The following PTPRM variants were observed in gnomAD, a reference collection of about 807,000 sequenced individuals.
PTPRM encodes the protein receptor-type tyrosine-protein phosphatase mu.
Under a neutral mutation model 186.7 loss-of-function variants are expected in PTPRM, and 47 were observed. That is an observed-to-expected ratio of 0.25 (90% CI 0.20 to 0.32). The LOEUF (loss-of-function observed/expected upper bound fraction) is 0.32. Among genes scored for constraint, PTPRM ranks in the 10% least tolerant of loss-of-function variants. The pLI is 1.00. For synonymous variants in PTPRM, 668 were observed against 674.9 expected, an observed-to-expected ratio of 0.99 and a Z score of 0.16; for missense variants, 1,494 against 1,865.0, an observed-to-expected ratio of 0.80 and a Z score of 3.66.
chr18:8,151,778 TGGTGG>T (rs1169020583), intron 14 of PTPRM, among the ~76,000 whole-genome samples: 2 of 151,044 alleles, frequency 1.3e-5, no homozygotes, highest in Admixed American at 1.3e-4. Context: ...CCCGGGGCCC[TGGTGG>T]GGTTAGGCGC....
intron 2 of PTPRM, among the ~76,000 whole-genome samples, chr18:7,828,895 G>T (rs1393662498): frequency 6.6e-6 from 1 of 152,092 alleles, no homozygotes; most frequent in Non-Finnish European, 1.5e-5. Flanking sequence ...TTACACAAAT[G>T]AATGATGGCA....
chr18:8,332,598 G>A (rs961840366), intron 22 of PTPRM, among the ~76,000 whole-genome samples: 6 of 152,174 alleles, frequency 3.9e-5, no homozygotes, highest in Non-Finnish European at 5.9e-5. Context: ...TGGAGAAAAG[G>A]CTAATCGTGG....
At chr18:8,138,593 A>C in intron 13 of PTPRM, among the ~76,000 whole-genome samples, 1 of 152,136 alleles carries the variant, frequency 6.6e-6, no homozygotes, top group African/African-American at 2.4e-5. Flanking sequence ...AGCCATCAAA[A>C]GAGACCTTTC....
intron 31 of PTPRM, among the ~76,000 whole-genome samples, chr18:8,391,779 A>C (rs1199710059): frequency 6.6e-6 from 1 of 152,242 alleles, no homozygotes; most frequent in Non-Finnish European, 1.5e-5. Context: ...TGGGCTGATC[A>C]AGCTGATATC....
intron 2 of PTPRM, among the ~76,000 whole-genome samples, chr18:7,838,432 G>C (rs2046163130): frequency 6.6e-6 from 1 of 152,226 alleles, no homozygotes; most frequent in South Asian, 2.1e-4. Context: ...TACCACTTTA[G>C]TGGTCTTGGA....
intron 2 of PTPRM, among the ~76,000 whole-genome samples, chr18:7,792,238 T>C (rs1260192058): frequency 6.6e-6 from 1 of 152,226 alleles, no homozygotes; most frequent in Non-Finnish European, 1.5e-5. Context: ...GATGACATCA[T>C]AATTTTTGTA....
chr18:8,033,602 A>C (rs1568221232), intron 7 of PTPRM, among the ~76,000 whole-genome samples: 1 of 152,212 alleles, frequency 6.6e-6, no homozygotes, highest in East Asian at 1.9e-4. Context: ...TGTGTAGAAA[A>C]GGTACAGTAA....
intron 1 of PTPRM, chr18:7,751,496 A>G (rs182813406): frequency 1.3e-5 from 2 of 152,212 alleles, no homozygotes; most frequent in East Asian, 3.9e-4. Context: ...TGGGGTCTTG[A>G]GTCTCTCATC....
intron 19 of PTPRM, among the ~76,000 whole-genome samples, chr18:8,290,343 T>C (rs897972778): frequency 6.6e-6 from 1 of 152,184 alleles, no homozygotes; most frequent in Non-Finnish European, 1.5e-5. Flanking sequence ...GCACATTATG[T>C]ACGGCCTTGA....
intron 5 of PTPRM, 30 bp downstream of exon 5, chr18:7,926,713 A>G (rs1347930779): frequency 1.3e-6 from 2 of 1,557,688 alleles, no homozygotes; most frequent in Admixed American, 1.8e-5. Context: ...TCAGTTGATG[A>G]GAGTCCAGCG....
intron 32 of PTPRM, among the ~76,000 whole-genome samples, chr18:8,396,459 C>G (rs2095845950): frequency 6.6e-6 from 1 of 152,192 alleles, no homozygotes; most frequent in South Asian, 2.1e-4. Context: ...ATGGCTCCAG[C>G]TGCAGCTTTC....
intron 7 of PTPRM, among the ~76,000 whole-genome samples, chr18:8,035,346 A>G (rs1270760556): frequency 1.3e-5 from 2 of 152,108 alleles, no homozygotes; most frequent in African/African-American, 4.8e-5. Flanking sequence ...AAAAAATATA[A>G]TCATCCCTCA....
chr18:7,977,576 T>G (rs1568115370), intron 7 of PTPRM, among the ~76,000 whole-genome samples: 1 of 152,144 alleles, frequency 6.6e-6, no homozygotes, highest in Non-Finnish European at 1.5e-5. Context: ...AGATAATGTC[T>G]CTCTTGAGAG....
chr18:8,020,692 T>C (rs1357158188), intron 7 of PTPRM, among the ~76,000 whole-genome samples: 8 of 152,194 alleles, frequency 5.3e-5, no homozygotes, highest in South Asian at 2.1e-4. Flanking sequence ...TTTATTGATA[T>C]TGTGCTGCAC....
intron 2 of PTPRM, among the ~76,000 whole-genome samples, chr18:7,868,161 G>A (rs57530103): frequency 0.019 from 2,932 of 152,124 alleles, 84 homozygotes; most frequent in African/African-American, 0.067. Context: ...TAGCTCGGAG[G>A]AGTTCGTTAT....
At chr18:7,622,924 C>T (rs528218763) in intron 1 of PTPRM, among the ~76,000 whole-genome samples, 1 of 152,248 alleles carries the variant, frequency 6.6e-6, no homozygotes, top group East Asian at 1.9e-4. Flanking sequence ...GCCAAGTTCT[C>T]ATCTGAACCT....
intron 23 of PTPRM, among the ~76,000 whole-genome samples, chr18:8,346,594 A>G (rs981334642): frequency 6.6e-6 from 1 of 152,172 alleles, no homozygotes; most frequent in East Asian, 1.9e-4. Context: ...TATTCAGTCC[A>G]TAACAGCCTG....
chr18:7,599,665 A>G (rs2037351271), intron 1 of PTPRM, among the ~76,000 whole-genome samples: 1 of 152,060 alleles, frequency 6.6e-6, no homozygotes, highest in African/African-American at 2.4e-5. Context: ...ACCCTGCTAC[A>G]TTTTTCATTC....
At chr18:8,192,586 C>T (rs2093723609) in intron 14 of PTPRM, among the ~76,000 whole-genome samples, 2 of 151,946 alleles carry the variant, frequency 1.3e-5, no homozygotes, top group African/African-American at 4.8e-5. Context: ...TAAATATATG[C>T]ATCTATGGTA....
Sources: allele counts gnomAD v4.1 joint callset (sites outside exome capture counted in the v4.1 genomes callset), GRCh38; gene constraint gnomAD v4.1.1; transcripts MANE v1.5; gene names NCBI Gene and HGNC (gene_info 2026-07-23, HGNC 2026-07-21).